EXT1: variants seen among roughly 807,000 people sequenced by gnomAD.
EXT1 encodes exostosin-1.
Under a neutral mutation model 82.5 loss-of-function variants are expected in EXT1, and 20 were observed. The ratio of observed to expected loss-of-function variants is 0.24; its 90% CI spans 0.17 to 0.35. The LOEUF is 0.35. Among genes scored for constraint, EXT1 ranks in the 10% least tolerant of loss-of-function variants. The pLI is 1.00. For missense variants in EXT1, 757 were observed against 936.5 expected (o/e 0.81, Z 2.50); for synonymous variants, 348 against 350.8 (o/e 0.99, Z 0.09).
At chr8:117,962,562 G>A (rs1814721918) in intron 1 of EXT1, among the ~76,000 whole-genome samples, 2 of 152,168 alleles carry the variant, frequency 1.3e-5, no homozygotes, top group African/African-American at 4.8e-5. Context: ...GACCAGCCTG[G>A]CCAACATGGT....
Position 117,898,949 on chromosome 8 carries a change from C to A in EXT1, c.963-61748G>T, listed in dbSNP as rs185756703. Among the ~76,000 whole-genome samples, 34 of 152,218 alleles carry A rather than the reference C, an allele frequency of 2.2e-4. 1 individual carries two copies. Among genetic ancestry groups the A allele is most frequent in the Admixed American group, 2.0e-3 (31 of 15,296 alleles). On this transcript the variant is annotated intron_variant, in intron 1 of 10. Coordinates refer to ENST00000378204, the MANE Select transcript of EXT1 (RefSeq NM_000127.3). The stretch of plus-strand genomic sequence containing the variant: ...TTTGTTTTGATTCAAAACACTGACC[C>A]CCAAATGCTTCCTTTTTTTACCCTC...
At position 117,818,451 on chromosome 8, in the gene EXT1, A is replaced by T. The variant is rs779357756; in HGVS notation, c.1616T>A (p.Ile539Asn). 1 of 1,614,130 alleles carries T rather than the reference A, an allele frequency of 6.2e-7. No individual in the cohort carries two copies. The highest frequency in any genetic ancestry group is 1.7e-5 in the Admixed American group (1 of 60,020). ...WPATAVPVVV[I>N]EGESKVMSSR... ...GAGTCTTACCTTGCTCTCTCCTTCA[A>T]TGACGACGACAGGCACAGCAGTGGC... The change falls in exon 7 of 11, where the codon ATT becomes AAT. Residue 539 changes from isoleucine (I) to asparagine (N), a missense_variant. Around this residue, in one of 4 missense-constraint regions of EXT1, gnomAD observed 207 missense variants for 224.2 expected, o/e 0.92. Transcript: ENST00000378204.
At chr8:117,872,459 A>G (rs1812889995) in intron 1 of EXT1, among the ~76,000 whole-genome samples, 1 of 152,108 alleles carries the variant, frequency 6.6e-6, no homozygotes, top group African/African-American at 2.4e-5. Flanking sequence ...CAATGACTGT[A>G]TAGCTACAGA....
intron 1 of EXT1, among the ~76,000 whole-genome samples, chr8:118,019,431 G>A (rs899185059): frequency 4.6e-5 from 7 of 152,288 alleles, no homozygotes; most frequent in South Asian, 4.1e-4. Flanking sequence ...GAGAGAATAC[G>A]ACTCAGAGCC....
chr8:117,892,393 C>T (rs1813259784), intron 1 of EXT1, among the ~76,000 whole-genome samples: 1 of 152,178 alleles, frequency 6.6e-6, no homozygotes, highest in African/African-American at 2.4e-5. Context: ...AAGAAAACTG[C>T]TGCTACTACT....
chr8:117,875,031 C>T (rs564610832), intron 1 of EXT1, among the ~76,000 whole-genome samples: 14 of 152,228 alleles, frequency 9.2e-5, no homozygotes, highest in Non-Finnish European at 1.3e-4. Context: ...ATGGATTAGA[C>T]GTTAAAAAAC....
intron 1 of EXT1, among the ~76,000 whole-genome samples, chr8:117,875,336 G>T (rs1344605197): frequency 6.6e-6 from 1 of 152,052 alleles, no homozygotes; most frequent in Non-Finnish European, 1.5e-5. Context: ...CAGGAGAACC[G>T]CTTGAACCCG....
intron 1 of EXT1, among the ~76,000 whole-genome samples, chr8:117,883,015 C>T (rs1385667052): frequency 8.0e-5 from 12 of 149,152 alleles, no homozygotes; most frequent in Admixed American, 4.0e-4. Flanking sequence ...AAAAATGATA[C>T]GGCATCATAC....
chr8:118,040,530 GAAC>G (rs1816510275), intron 1 of EXT1, among the ~76,000 whole-genome samples: 1 of 152,086 alleles, frequency 6.6e-6, no homozygotes, highest in African/African-American at 2.4e-5. Flanking sequence ...CTTCCTTCAA[GAAC>G]ACCCATGCTA....
chr8:118,088,035 G>C (rs1369816299), intron 1 of EXT1, among the ~76,000 whole-genome samples: 1 of 151,066 alleles, frequency 6.6e-6, no homozygotes, highest in African/African-American at 2.4e-5. Flanking sequence ...AGTTAATACT[G>C]TTTGAAGCCA....
At chr8:118,048,736 G>A (rs1431156355) in intron 1 of EXT1, among the ~76,000 whole-genome samples, 2 of 152,180 alleles carry the variant, frequency 1.3e-5, no homozygotes, top group East Asian at 3.8e-4. Flanking sequence ...AAGAGCCAAT[G>A]AGTCAGCCAG....
intron 1 of EXT1, among the ~76,000 whole-genome samples, chr8:118,057,728 C>T (rs971225560): frequency 1.3e-5 from 2 of 151,664 alleles, no homozygotes; most frequent in African/African-American, 4.8e-5. Flanking sequence ...AATCCCAGCA[C>T]TTTGGGAGGC....
rs552255048 is a variant in EXT1, at chr8:117,799,674, T to C, written c.*38A>G. 336 of 1,608,880 alleles carry C rather than the reference T, an allele frequency of 2.1e-4. 1 individual carries two copies. Among genetic ancestry groups the C allele is most frequent in the Admixed American group, 4.0e-4 (24 of 59,924 alleles). Reference sequence around the variant, plus strand: ...GGAAGAGAGAGCAGCTTGACCCCCATCCCTTCTTGCTTCCCCTCCCCCACT... The same window carrying C: ...GGAAGAGAGAGCAGCTTGACCCCCACCCCTTCTTGCTTCCCCTCCCCCACT... On this transcript the variant is annotated 3_prime_UTR_variant, in exon 11 of 11. Transcript: ENST00000378204.
At chr8:117,852,396 A>T (rs902850920) in intron 1 of EXT1, among the ~76,000 whole-genome samples, 12 of 152,176 alleles carry the variant, frequency 7.9e-5, no homozygotes, top group Non-Finnish European at 1.5e-5. Flanking sequence ...ATAAGAGATA[A>T]CATCTTTCCC....
chr8:117,890,417 C>G (rs1016726440), intron 1 of EXT1, among the ~76,000 whole-genome samples: 3 of 152,106 alleles, frequency 2.0e-5, no homozygotes, highest in Non-Finnish European at 4.4e-5. Context: ...TAACATCCTA[C>G]AATGCGCAGA....
In EXT1 at chr8:117,799,262, G is replaced by A. The variant is rs536418133; in HGVS notation, c.*450C>T. 6.9e-5 allele frequency: 13 copies of A among 187,712 alleles called. No individual in the cohort carries two copies. Among genetic ancestry groups the A allele is most frequent in the South Asian group, 1.5e-4 (1 of 6,742 alleles). 11.6% of individuals were successfully genotyped at this position (187,712 alleles called of 1,614,324 possible). ...TAGAGTGACTTATTGTGTTTTCCAC[G>A]AAGTTTGAGCTTTTGAAACTGCAGG... is the stretch of plus-strand genomic sequence containing the variant. On this transcript the variant is annotated 3_prime_UTR_variant, in exon 11 of 11. Transcript: ENST00000378204.
At chr8:117,859,269 A>T (rs993561869) in intron 1 of EXT1, among the ~76,000 whole-genome samples, 2 of 152,244 alleles carry the variant, frequency 1.3e-5, no homozygotes, top group Non-Finnish European at 2.9e-5. Context: ...TCAAAAACAG[A>T]GGCACAAAAC....
chr8:118,066,828 C>G (rs1816996486), intron 1 of EXT1, among the ~76,000 whole-genome samples: 1 of 152,164 alleles, frequency 6.6e-6, no homozygotes, highest in Non-Finnish European at 1.5e-5. Flanking sequence ...CACAGAGGGT[C>G]AGCACCCCCT....
intron 8 of EXT1, 129 bp downstream of exon 8, chr8:117,812,743 C>A (rs1563875262): frequency 4.7e-6 from 4 of 843,778 alleles, no homozygotes; most frequent in African/African-American, 1.7e-5. Context: ...TTAAAACCAG[C>A]GCTGTAGGAA....
Sources: gnomAD v4.1 joint callset for allele counts (sites outside exome capture counted in the v4.1 genomes callset) on GRCh38, gnomAD v4.1.1 for gene constraint, gnomAD v4.1.1 regional missense constraint, MANE v1.5 for transcripts, NCBI Gene and HGNC (gene_info 2026-07-23, HGNC 2026-07-21) for gene names.